Variants in NOL4 observed in about 807,000 individuals in gnomAD.
NOL4 encodes the protein cancer/testis antigen 125.
NOL4 carries 17 observed loss-of-function variants against 75.9 expected under a neutral mutation model. The observed-to-expected ratio is 0.22, with a 90% confidence interval of 0.15 to 0.34. The LOEUF (loss-of-function observed/expected upper bound fraction) is 0.34. NOL4 is among the 10% of genes least tolerant of loss of function. NOL4 has a pLI of 1.00. For missense variants in NOL4, 614 were observed against 793.5 expected, an observed-to-expected ratio of 0.77 and a Z score of 2.72; for synonymous variants, 292 against 289.9, an observed-to-expected ratio of 1.01 and a Z score of -0.07.
intron 5 of NOL4, among the ~76,000 whole-genome samples, chr18:34,075,187 T>C (rs928704212): frequency 1.3e-5 from 2 of 152,162 alleles, no homozygotes; most frequent in African/African-American, 4.8e-5. Flanking sequence ...TATTTGCAAA[T>C]ATATAATGAA....
At chr18:34,207,191 G>T (rs769260777) in intron 1 of NOL4, among the ~76,000 whole-genome samples, 6 of 152,020 alleles carry the variant, frequency 3.9e-5, no homozygotes, top group Non-Finnish European at 8.8e-5. Flanking sequence ...CCAACTCAGG[G>T]TTGACATCTT....
intron 10 of NOL4, among the ~76,000 whole-genome samples, chr18:33,875,800 C>T (rs184826188): frequency 1.3e-5 from 2 of 152,064 alleles, no homozygotes; most frequent in Non-Finnish European, 2.9e-5. Flanking sequence ...ATATGTCTGA[C>T]CTTACTTAGA....
intron 9 of NOL4, among the ~76,000 whole-genome samples, chr18:33,934,972 C>A (rs116956711): frequency 0.038 from 5,802 of 151,642 alleles, 129 homozygotes; most frequent in Middle Eastern, 0.062. Context: ...AATCCTCTCA[C>A]CTCAGCCTCC....
intron 6 of NOL4, among the ~76,000 whole-genome samples, chr18:33,986,534 A>G (rs1164953342): frequency 3.3e-5 from 5 of 152,112 alleles, no homozygotes; most frequent in African/African-American, 1.2e-4. Context: ...AGAATGGTTT[A>G]AAACTCATGA....
intron 1 of NOL4, among the ~76,000 whole-genome samples, chr18:34,192,069 T>C (rs1023602464): frequency 1.3e-5 from 2 of 152,174 alleles, no homozygotes; most frequent in African/African-American, 4.8e-5. Context: ...CAGGATTGTA[T>C]ATTAAAGCTC....
chr18:34,023,495 G>A (rs1600287060), intron 5 of NOL4: 1 of 456,140 alleles, frequency 2.2e-6, no homozygotes, highest in South Asian at 1.5e-5. Flanking sequence ...CAGTATTTAG[G>A]TCTGTGGGTA....
chr18:34,024,194 A>AAAAAAAATATATATATATAT, intron 5 of NOL4, among the ~76,000 whole-genome samples: 2 of 70,698 alleles, frequency 2.8e-5, no homozygotes, highest in African/African-American at 5.3e-5. Context: ...AAAAAAAAAA[A>AAAAAAAATATATATATATAT]ATATATATAT....
At chr18:34,149,292 AT>A (rs2081544159) in intron 1 of NOL4, among the ~76,000 whole-genome samples, 1 of 151,712 alleles carries the variant, frequency 6.6e-6, no homozygotes, top group East Asian at 1.9e-4. Context: ...ACATGAGTAT[AT>A]TGGAAAGAAA....
intron 1 of NOL4, among the ~76,000 whole-genome samples, chr18:34,198,193 C>T (rs2035472408): frequency 6.6e-6 from 1 of 151,680 alleles, no homozygotes; most frequent in Admixed American, 6.6e-5. Context: ...GTATACAAAC[C>T]CACAGTCTTG....
rs189597665 is a variant in NOL4, at chr18:33,949,682, G to T, written c.1429-6504C>A. ...TCTCTTGACTAAAAGGAGTTTGAAA[G>T]TGTGTTTTAACAGAAGTGGAATATA... is the stretch of plus-strand genomic sequence containing the variant. On this transcript the variant is annotated intron_variant, in intron 8 of 10. Coordinates refer to ENST00000261592, the MANE Select transcript of NOL4 (RefSeq NM_003787.5). Among the ~76,000 whole-genome samples the T allele has an allele frequency of 2.5e-3, 382 of 152,212 alleles. 1 individual carries two copies. Among genetic ancestry groups the T allele is most frequent in the Non-Finnish European group, 4.1e-3 (281 of 68,000 alleles).
chr18:33,888,957 G>T (rs895402781), intron 9 of NOL4, among the ~76,000 whole-genome samples: 9 of 151,958 alleles, frequency 5.9e-5, no homozygotes, highest in South Asian at 2.1e-4. Flanking sequence ...ACTATTAAAA[G>T]AACTAGAGAA....
intron 10 of NOL4, among the ~76,000 whole-genome samples, chr18:33,853,671 T>C (rs2062717105): frequency 6.6e-6 from 1 of 152,114 alleles, no homozygotes. Flanking sequence ...CATATTACAT[T>C]GGAATTTGCT....
chr18:34,111,173 T>C (rs1381257472), intron 2 of NOL4, among the ~76,000 whole-genome samples: 2 of 152,168 alleles, frequency 1.3e-5, no homozygotes, highest in Non-Finnish European at 2.9e-5. Context: ...AAGACTTAAA[T>C]GTGTGCATAT....
intron 9 of NOL4, among the ~76,000 whole-genome samples, chr18:33,932,090 T>G (rs2067729084): frequency 6.6e-6 from 1 of 152,116 alleles, no homozygotes; most frequent in Non-Finnish European, 1.5e-5. Flanking sequence ...TAGGTGCAAA[T>G]AGTACCTGAT....
chr18:33,923,131 T>C (rs979576598), intron 9 of NOL4, among the ~76,000 whole-genome samples: 3 of 152,092 alleles, frequency 2.0e-5, no homozygotes, highest in Non-Finnish European at 4.4e-5. Context: ...TATATATTGA[T>C]TGAGAAAGAA....
At chr18:34,208,379 A>T (rs2036269186) in intron 1 of NOL4, among the ~76,000 whole-genome samples, 1 of 151,960 alleles carries the variant, frequency 6.6e-6, no homozygotes, top group Non-Finnish European at 1.5e-5. Context: ...TTTTAGCAAG[A>T]TCCTCAGGTG....
chr18:33,975,479 G>A (rs568102593), intron 6 of NOL4, among the ~76,000 whole-genome samples: 18 of 152,206 alleles, frequency 1.2e-4, no homozygotes, highest in African/African-American at 3.6e-4. Flanking sequence ...ACAATACAAT[G>A]GGGTTGTTAA....
intron 5 of NOL4, among the ~76,000 whole-genome samples, chr18:34,028,501 T>C (rs146964518): frequency 1.7e-3 from 263 of 152,298 alleles, no homozygotes; most frequent in African/African-American, 5.8e-3. Context: ...GCCACACAAC[T>C]AGCCCAGGCT....
In NOL4 at chr18:33,852,624, T is replaced by A. The variant is rs1355272749; in HGVS notation, c.*218A>T. The A allele has an allele frequency of 9.8e-6, 4 of 409,894 alleles. No individual in the cohort carries two copies. Among genetic ancestry groups the A allele is most frequent in the Non-Finnish European group, 4.3e-6 (1 of 230,284 alleles). The allele number at this position is 409,894 out of a possible 1,614,324, so 25.4% of individuals were successfully genotyped here. A position where few individuals can be genotyped will look rare whatever the true frequency, so the allele number is the denominator to read the frequency against. On this transcript the variant is annotated 3_prime_UTR_variant, in exon 11 of 11. Coordinates refer to ENST00000261592, the MANE Select transcript of NOL4 (RefSeq NM_003787.5). ...GGTGACACACTAAAACAAAAAGCAA[T>A]AGGCTGGACATACTAAAGTAGCTCA...
Sources: allele counts gnomAD v4.1 joint callset (sites outside exome capture counted in the v4.1 genomes callset), GRCh38; gene constraint gnomAD v4.1.1; transcripts MANE v1.5; gene names NCBI Gene and HGNC (gene_info 2026-07-23, HGNC 2026-07-21).